SPATA31F1: variants seen among roughly 807,000 people sequenced by gnomAD.
The protein encoded by SPATA31F1 is protein SPATA31F1.
At chr9:34,727,019 T>G in the SPATA31F1 span, 1 of 1,534,008 alleles carries the variant, frequency 6.5e-7, no homozygotes, top group East Asian at 2.5e-5. Flanking sequence ...AAATTAACGA[T>G]GGAGTGACAT....
the SPATA31F1 span, chr9:34,729,316 A>G: frequency 3.9e-6 from 6 of 1,552,170 alleles, no homozygotes; most frequent in African/African-American, 6.8e-5. Flanking sequence ...TCTGAACTCA[A>G]TTCATGGTGG....
the SPATA31F1 span, chr9:34,723,317 G>C: frequency 6.4e-7 from 1 of 1,551,744 alleles, no homozygotes; most frequent in South Asian, 1.2e-5. Flanking sequence ...GGCTGAGGCA[G>C]AGCCAGGTTG....
chr9:34,726,779 T>A, the SPATA31F1 span: 1 of 1,551,662 alleles, frequency 6.4e-7, no homozygotes, highest in Non-Finnish European at 8.7e-7. Context: ...GGAATGAAAC[T>A]CCAGACTCTG....
At chr9:34,724,524 T>C in the SPATA31F1 span, 1 of 1,550,710 alleles carries the variant, frequency 6.4e-7, no homozygotes, top group South Asian at 1.2e-5. Context: ...CTAATGGGAA[T>C]TCCCCATTGT....
At chr9:34,727,401 C>A in the SPATA31F1 span, among the ~76,000 whole-genome samples, 2 of 152,222 alleles carry the variant, frequency 1.3e-5, no homozygotes, top group Non-Finnish European at 2.9e-5. Flanking sequence ...TTCAGTACTT[C>A]CAAGCTGTAG....
chr9:34,729,151 A>C, the SPATA31F1 span: 6 of 1,112,086 alleles, frequency 5.4e-6, no homozygotes, highest in African/African-American at 9.5e-5. Context: ...GTCTCTGAGA[A>C]GAAAAGTATT....
chr9:34,728,188 T>C, the SPATA31F1 span: 1 of 966,158 alleles, frequency 1.0e-6, no homozygotes, highest in Non-Finnish European at 1.5e-6. Context: ...AAGACTACAA[T>C]CCTGAAAAGT....
At chr9:34,727,527 A>G in the SPATA31F1 span, among the ~76,000 whole-genome samples, 6 of 152,228 alleles carry the variant, frequency 3.9e-5, no homozygotes, top group Non-Finnish European at 7.3e-5. Flanking sequence ...AGAGGATAAT[A>G]TAATAGACTC....
the SPATA31F1 span, chr9:34,727,938 CT>C: frequency 7.8e-7 from 1 of 1,274,456 alleles, no homozygotes; most frequent in South Asian, 1.4e-5. Context: ...CATTATCTTT[CT>C]CCTTAGTCCT....
At chr9:34,728,468 C>T in the SPATA31F1 span, 4 of 743,546 alleles carry the variant, frequency 5.4e-6, no homozygotes, top group Admixed American at 1.2e-4. Context: ...TATGATTTCC[C>T]ACCCATGGAA....
At chr9:34,728,551 A>G in the SPATA31F1 span, 6 of 1,509,654 alleles carry the variant, frequency 4.0e-6, no homozygotes. Flanking sequence ...ACAGAGGGAC[A>G]GGATTCATGG....
At chr9:34,729,461 C>G in the SPATA31F1 span, 7 of 1,527,214 alleles carry the variant, frequency 4.6e-6, no homozygotes, top group African/African-American at 1.4e-5. Flanking sequence ...ATCAACCATC[C>G]CTCTATCTCG....
the SPATA31F1 span, chr9:34,723,379 G>A: frequency 1.9e-6 from 3 of 1,551,612 alleles, no homozygotes; most frequent in Non-Finnish European, 1.7e-6. Flanking sequence ...CATCCAAGAA[G>A]GCTGGGCCCA....
chr9:34,723,733 C>T, the SPATA31F1 span: 1 of 1,551,726 alleles, frequency 6.4e-7, no homozygotes, highest in South Asian at 1.2e-5. Flanking sequence ...TCAGGAAAGG[C>T]TGACCCTGTG....
the SPATA31F1 span, chr9:34,724,112 A>T: frequency 6.5e-7 from 1 of 1,528,560 alleles, no homozygotes; most frequent in East Asian, 2.5e-5. Flanking sequence ...TCCTGCTAGC[A>T]TGGGGACATG....
the SPATA31F1 span, chr9:34,729,427 T>A: frequency 6.5e-7 from 1 of 1,545,980 alleles, no homozygotes; most frequent in Non-Finnish European, 8.7e-7. Flanking sequence ...GGGCTCAACA[T>A]GGTCTAAACT....
chr9:34,728,130 G>T, the SPATA31F1 span: 1 of 1,515,118 alleles, frequency 6.6e-7, no homozygotes, highest in Non-Finnish European at 8.9e-7. Flanking sequence ...AATTTCATAG[G>T]CATCCTATAG....
chr9:34,726,296 T>C, the SPATA31F1 span: 2 of 1,525,710 alleles, frequency 1.3e-6, no homozygotes, highest in Non-Finnish European at 1.8e-6. Context: ...CAGGGACTCC[T>C]CCACACGTCT....
the SPATA31F1 span, chr9:34,727,065 C>G: frequency 6.7e-7 from 1 of 1,486,440 alleles, no homozygotes; most frequent in East Asian, 2.5e-5. Flanking sequence ...GGAGTGGGCA[C>G]TCTCCTTTCC....
Sources: allele counts gnomAD v4.1 joint callset (sites outside exome capture counted in the v4.1 genomes callset), GRCh38; gene constraint gnomAD v4.1.1; transcripts MANE v1.5; gene names NCBI Gene and HGNC (gene_info 2026-07-23, HGNC 2026-07-21).